The following ARHGEF3 variants were observed in gnomAD, a reference collection of about 807,000 sequenced individuals.
ARHGEF3 encodes the protein Rho guanine nucleotide exchange factor 3, also known as 59.8 kDA protein.
In ARHGEF3, 28 loss-of-function variants were observed where a neutral mutation model predicts 63.2. The ratio of observed to expected loss-of-function variants is 0.44; its 90% CI spans 0.33 to 0.61. The LOEUF (loss-of-function observed/expected upper bound fraction) is 0.61, where lower values mean the gene tolerates loss of function less well. Ranked by LOEUF, ARHGEF3 falls within the 20% of genes least tolerant of loss-of-function variation. The pLI is 0.03. For synonymous variants in ARHGEF3, 266 were observed against 254.2 expected (o/e 1.05, Z -0.44); for missense variants, 533 against 659.3 (o/e 0.81, Z 2.10).
chr3:56,960,884 G>A (rs1352036091), intron 2 of ARHGEF3: 2 of 152,090 alleles, frequency 1.3e-5, no homozygotes, highest in Non-Finnish European at 2.9e-5. Flanking sequence ...CTTCTCCCTG[G>A]ATACCACTCC....
chr3:56,853,904 A>G (rs2039768950), intron 4 of ARHGEF3, among the ~76,000 whole-genome samples: 1 of 152,122 alleles, frequency 6.6e-6, no homozygotes, highest in Non-Finnish European at 1.5e-5. Flanking sequence ...AGTTACATAG[A>G]AAGACAATTG....
chr3:56,812,790 A>T (rs888397325), intron 4 of ARHGEF3, among the ~76,000 whole-genome samples: 1 of 152,232 alleles, frequency 6.6e-6, no homozygotes, highest in Non-Finnish European at 1.5e-5. Context: ...AAAGAAGCCA[A>T]AGGAAGAAGG....
At chr3:57,032,062 A>C (rs1703755794) in intron 2 of ARHGEF3, among the ~76,000 whole-genome samples, 1 of 152,150 alleles carries the variant, frequency 6.6e-6, no homozygotes, top group African/African-American at 2.4e-5. Context: ...AAAGTCAAAC[A>C]TTTTAGGGTA....
At chr3:56,803,356 T>C (rs2037744017), upstream of ARHGEF3, among the ~76,000 whole-genome samples, 1 of 151,776 alleles carries the variant, frequency 6.6e-6, no homozygotes, top group Non-Finnish European at 1.5e-5. Context: ...GGAGGATCAC[T>C]TGAGCCTGGG....
chr3:56,811,544 C>T (rs1332612630), intron 4 of ARHGEF3, among the ~76,000 whole-genome samples: 1 of 152,146 alleles, frequency 6.6e-6, no homozygotes, highest in Non-Finnish European at 1.5e-5. Context: ...GTTCTGTGTG[C>T]TGTGGGTATT....
intron 2 of ARHGEF3, among the ~76,000 whole-genome samples, chr3:56,771,392 G>A (rs536559312): frequency 2.0e-5 from 3 of 152,310 alleles, no homozygotes; most frequent in South Asian, 4.1e-4. Context: ...TTGAAGGTAT[G>A]GTAACAGATC....
At chr3:56,796,257 C>T (rs761250133) in intron 1 of ARHGEF3, among the ~76,000 whole-genome samples, 12 of 152,122 alleles carry the variant, frequency 7.9e-5, no homozygotes, top group Admixed American at 5.2e-4. Context: ...GTTATGAAAA[C>T]GGTGGCATCT....
chr3:57,037,516 T>C (rs1027643029), intron 1 of ARHGEF3, among the ~76,000 whole-genome samples: 2 of 152,184 alleles, frequency 1.3e-5, no homozygotes, highest in Non-Finnish European at 2.9e-5. Context: ...TAGTTCTAGG[T>C]CAGAGCTTTA....
chr3:56,768,130 C>T (rs530761784), intron 2 of ARHGEF3, among the ~76,000 whole-genome samples: 17 of 152,266 alleles, frequency 1.1e-4, no homozygotes, highest in Middle Eastern at 3.4e-3. Context: ...AATCTCTGCT[C>T]GCTGTGACCT....
intron 1 of ARHGEF3, among the ~76,000 whole-genome samples, chr3:57,067,388 G>A (rs1403392134): frequency 6.6e-6 from 1 of 151,418 alleles, no homozygotes; most frequent in Non-Finnish European, 1.5e-5. Flanking sequence ...CCAGGAGGCA[G>A]AGCTTATAGT....
At position 56,751,406 on chromosome 3, in the gene ARHGEF3, A is replaced by G; in HGVS notation, c.439-10T>C. ...TGGGGTCATGATAGGCCTGCACAAAAACGGCAAGAGATGGAAGCACATGTT... is the reference window on the plus strand; with the variant it reads ...TGGGGTCATGATAGGCCTGCACAAAGACGGCAAGAGATGGAAGCACATGTT... On this transcript the variant is annotated splice_polypyrimidine_tract_variant and intron_variant, in intron 4 of 9. Coordinates refer to ENST00000296315, the MANE Select transcript of ARHGEF3 (RefSeq NM_019555.3). The G allele has an allele frequency of 1.2e-6, 2 of 1,608,254 alleles. No homozygotes were observed. Among genetic ancestry groups the G allele is most frequent in the African/African-American group, 2.7e-5 (2 of 74,906 alleles).
intron 7 of ARHGEF3, among the ~76,000 whole-genome samples, chr3:56,742,794 T>A (rs1041765477): frequency 6.6e-6 from 1 of 152,096 alleles, no homozygotes; most frequent in African/African-American, 2.4e-5. Context: ...AGATGCAGAG[T>A]GAACTTTTGA....
chr3:56,753,380 G>A (rs780873977), intron 4 of ARHGEF3, 124 bp downstream of exon 4: 22 of 772,774 alleles, frequency 2.8e-5, no homozygotes, highest in Non-Finnish European at 4.7e-5. Context: ...CCACTGCTTG[G>A]TGTGTGGTAG....
At chr3:56,869,270 G>A (rs1447719282) in intron 4 of ARHGEF3, among the ~76,000 whole-genome samples, 2 of 152,164 alleles carry the variant, frequency 1.3e-5, no homozygotes. Flanking sequence ...ATCCAAACCT[G>A]GCATTGTGAC....
intron 3 of ARHGEF3, among the ~76,000 whole-genome samples, chr3:56,754,260 C>T (rs1396869130): frequency 1.3e-5 from 2 of 152,218 alleles, no homozygotes; most frequent in Non-Finnish European, 1.5e-5. Flanking sequence ...AACACTCTTT[C>T]ACTTCCATCT....
At chr3:56,940,261 T>C (rs1239524145) in intron 3 of ARHGEF3, 1 of 152,210 alleles carries the variant, frequency 6.6e-6, no homozygotes, top group Non-Finnish European at 1.5e-5. Context: ...TAATTTGAGT[T>C]GAATTCCTGT....
chr3:57,007,416 T>C, intron 2 of ARHGEF3: 1 of 1,242,270 alleles, frequency 8.0e-7, no homozygotes, highest in South Asian at 1.3e-5. Flanking sequence ...TTTTGTTTAT[T>C]CCAAAATCAG....
chr3:57,041,869 T>C (rs542172375), intron 1 of ARHGEF3, among the ~76,000 whole-genome samples: 8 of 152,096 alleles, frequency 5.3e-5, no homozygotes, highest in African/African-American at 1.9e-4. Context: ...GACCACAAGG[T>C]CCCAAGCCAC....
At chr3:56,921,545 T>C (rs961538602) in intron 3 of ARHGEF3, among the ~76,000 whole-genome samples, 6 of 152,234 alleles carry the variant, frequency 3.9e-5, no homozygotes, top group Admixed American at 1.3e-4. Flanking sequence ...GCACTTTTAT[T>C]GAATGTCTTT....
Sources: gnomAD v4.1 joint callset for allele counts (sites outside exome capture counted in the v4.1 genomes callset) on GRCh38, gnomAD v4.1.1 for gene constraint, MANE v1.5 for transcripts, NCBI Gene and HGNC (gene_info 2026-07-23, HGNC 2026-07-21) for gene names.